The following OR6B3 variants were observed in gnomAD, a reference collection of about 807,000 sequenced individuals.
The protein encoded by OR6B3 is olfactory receptor family 6 subfamily B member 3.
For missense variants in OR6B3, 315 were observed against 427.4 expected (o/e 0.74, Z 2.32); for synonymous variants, 148 against 187.8 (o/e 0.79, Z 1.73).
upstream of OR6B3, among the ~76,000 whole-genome samples, chr2:240,050,281 A>G (rs1698239563): frequency 1.3e-5 from 2 of 152,258 alleles, no homozygotes; most frequent in Non-Finnish European, 2.9e-5. Context: ...ATAATCAAAC[A>G]AAAAGAAAGC....
At chr2:240,046,096 G>A in exon 2 of OR6B3, 13 of 1,580,994 alleles carry the variant, frequency 8.2e-6, no homozygotes, top group Admixed American at 1.8e-5. Context: ...GGAGCTGCAG[G>A]CCTACAAAAC....
chr2:240,053,023 G>A, the OR6B3 span, among the ~76,000 whole-genome samples: 26,192 of 151,988 alleles, frequency 0.17, 3,182 homozygotes, highest in African/African-American at 0.34. This position sits in a 1 kb window ranked among gnomAD's most constrained non-coding sequence, Gnocchi z 4.1. Flanking sequence ...GGCTGGTCTC[G>A]AACTCTTGAC....
At chr2:240,049,572 G>A (rs192023675), upstream of OR6B3, among the ~76,000 whole-genome samples, 22 of 151,970 alleles carry the variant, frequency 1.4e-4, no homozygotes, top group Middle Eastern at 3.4e-3. Flanking sequence ...CTTTCACAGC[G>A]TAAAAACATG....
chr2:240,047,396 T>G (rs1698206207), upstream of OR6B3, among the ~76,000 whole-genome samples: 1 of 152,196 alleles, frequency 6.6e-6, no homozygotes, highest in South Asian at 2.1e-4. Flanking sequence ...ATGGAATGGT[T>G]TCCAAGGTCT....
chr2:240,048,362 G>A (rs1035315349), upstream of OR6B3, among the ~76,000 whole-genome samples: 1 of 152,104 alleles, frequency 6.6e-6, no homozygotes, highest in African/African-American at 2.4e-5. Flanking sequence ...TTCTGCTGTG[G>A]CCGTCCTCTG....
At chr2:240,048,460 C>T (rs927119316), upstream of OR6B3, among the ~76,000 whole-genome samples, 1 of 152,160 alleles carries the variant, frequency 6.6e-6, no homozygotes, top group African/African-American at 2.4e-5. Flanking sequence ...GGGATGTGGG[C>T]TGGGTACGAG....
upstream of OR6B3, among the ~76,000 whole-genome samples, chr2:240,050,232 T>C (rs1233694988): frequency 6.6e-6 from 1 of 152,180 alleles, no homozygotes; most frequent in African/African-American, 2.4e-5. Context: ...GACAAAAAAC[T>C]TCAACTCAGG....
chr2:240,050,790 C>T (rs34515325), upstream of OR6B3, among the ~76,000 whole-genome samples: 54,775 of 148,876 alleles, frequency 0.37, 11,304 homozygotes, highest in East Asian at 0.63. Flanking sequence ...CTAGTACATG[C>T]CTCTCACTGC....
chr2:240,044,768 G>A (rs955098084), downstream of OR6B3, among the ~76,000 whole-genome samples: 3 of 152,142 alleles, frequency 2.0e-5, no homozygotes, highest in African/African-American at 7.2e-5. Context: ...TTTGCCACAT[G>A]GTTAAATATT....
At chr2:240,049,847 A>G (rs1269169414), upstream of OR6B3, among the ~76,000 whole-genome samples, 1 of 152,166 alleles carries the variant, frequency 6.6e-6, no homozygotes, top group Non-Finnish European at 1.5e-5. Flanking sequence ...GGAAAGGATA[A>G]GATTGTAATA....
chr2:240,045,054 A>G, downstream of OR6B3: 1 of 1,541,186 alleles, frequency 6.5e-7, no homozygotes, highest in Non-Finnish European at 8.7e-7. Flanking sequence ...TACTACAATA[A>G]TGCAAACAGT....
the OR6B3 span, among the ~76,000 whole-genome samples, chr2:240,052,985 T>C: frequency 6.6e-6 from 1 of 152,138 alleles, no homozygotes; most frequent in Non-Finnish European, 1.5e-5. The surrounding 1 kb of genome is among the most constrained non-coding windows in gnomAD (Gnocchi z 4.5). Flanking sequence ...TCTGTTTTAG[T>C]AGAGACGGGA....
exon 2 of OR6B3, chr2:240,045,108 A>C: frequency 6.2e-7 from 1 of 1,602,214 alleles, no homozygotes. Flanking sequence ...TTGGAGATGA[A>C]GTTCCAGAAG....
upstream of OR6B3, among the ~76,000 whole-genome samples, chr2:240,050,345 G>A (rs186140351): frequency 6.6e-6 from 1 of 152,344 alleles, no homozygotes; most frequent in Non-Finnish European, 1.5e-5. Context: ...CAAATGGTCT[G>A]TTTCACTTAT....
exon 2 of OR6B3, chr2:240,045,703 C>G (rs758362746): frequency 7.4e-7 from 1 of 1,352,560 alleles, no homozygotes; most frequent in East Asian, 2.3e-5. Context: ...CAGATGGCCA[C>G]GTAGCGGTCG....
At chr2:240,050,721 C>CAAAAAAAAAAAAAA (rs61309204), upstream of OR6B3, among the ~76,000 whole-genome samples, 1 of 57,324 alleles carries the variant, frequency 1.7e-5, no homozygotes, top group Non-Finnish European at 4.2e-5. Flanking sequence ...CTCAAAGAGA[C>CAAAAAAAAAAAAAA]AAAAAAAAAA....
At chr2:240,047,494 G>A (rs775032315), upstream of OR6B3, among the ~76,000 whole-genome samples, 17 of 152,334 alleles carry the variant, frequency 1.1e-4, no homozygotes, top group East Asian at 3.9e-4. Context: ...CAGACGACCC[G>A]TGAAGGTACA....
upstream of OR6B3, among the ~76,000 whole-genome samples, chr2:240,048,419 T>C (rs757227157): frequency 2.6e-5 from 4 of 152,114 alleles, no homozygotes; most frequent in Non-Finnish European, 4.4e-5. Flanking sequence ...CTGTCTCTCC[T>C]GGTTGCACTT....
upstream of OR6B3, among the ~76,000 whole-genome samples, chr2:240,051,921 C>T (rs976336283): frequency 1.3e-5 from 2 of 152,208 alleles, no homozygotes; most frequent in African/African-American, 2.4e-5. Context: ...ATACCAGGAT[C>T]ATTCCTGCTC....
Sources: allele counts gnomAD v4.1 joint callset (sites outside exome capture counted in the v4.1 genomes callset), GRCh38; gene constraint gnomAD v4.1.1; non-coding constraint Gnocchi (gnomAD v3.1); transcripts MANE v1.5; gene names NCBI Gene and HGNC (gene_info 2026-07-23, HGNC 2026-07-21).